RANGAP1: variants seen among roughly 807,000 people sequenced by gnomAD.
The protein encoded by RANGAP1 is Ran GTPase activating protein 1.
A neutral mutation model predicts 63.5 loss-of-function variants in RANGAP1; 38 were observed. That is an observed-to-expected ratio of 0.60 (90% confidence interval 0.46 to 0.78). The LOEUF (loss-of-function observed/expected upper bound fraction) is 0.78, where lower values mean the gene tolerates loss of function less well. Among genes scored for constraint, RANGAP1 ranks in the 30% least tolerant of loss-of-function variants. The probability of loss-of-function intolerance (pLI) is 0.00; values close to 1 mark genes in which losing one functional copy is unlikely to be tolerated. For synonymous variants in RANGAP1, 329 were observed against 310.5 expected (o/e 1.06, Z -0.63); for missense variants, 630 against 740.3 (o/e 0.85, Z 1.73).
intron 3 of RANGAP1, among the ~76,000 whole-genome samples, chr22:41,273,919 CA>C (rs932713554): frequency 2.7e-5 from 4 of 150,190 alleles, no homozygotes; most frequent in African/African-American, 4.9e-5. Context: ...ACTAAAAATA[CA>C]AAAAAAAATT....
chr22:41,292,894 A>G, the RANGAP1 span, among the ~76,000 whole-genome samples: 1 of 151,810 alleles, frequency 6.6e-6, no homozygotes, highest in Non-Finnish European at 1.5e-5. Context: ...GCTTGAGCCC[A>G]GGAGTTCCAG....
At chr22:41,267,596 G>A (rs2034556763) in intron 4 of RANGAP1, among the ~76,000 whole-genome samples, 1 of 152,156 alleles carries the variant, frequency 6.6e-6, no homozygotes, top group African/African-American at 2.4e-5. Flanking sequence ...CTCGACCCAA[G>A]CCAGTCTGAG....
At chr22:41,290,157 AAAG>A (rs1181523266), upstream of RANGAP1, among the ~76,000 whole-genome samples, 1 of 147,004 alleles carries the variant, frequency 6.8e-6, no homozygotes, top group Non-Finnish European at 1.5e-5. Flanking sequence ...GAAAAAAAAA[AAAG>A]AGAGAGAGAG....
upstream of RANGAP1, among the ~76,000 whole-genome samples, chr22:41,289,970 ACT>A (rs1363874119): frequency 6.6e-6 from 1 of 151,746 alleles, no homozygotes; most frequent in East Asian, 2.0e-4. Flanking sequence ...ATATAGTGAG[ACT>A]CTGTCTCTAC....
chr22:41,249,131 G>A (rs2033254945), intron 15 of RANGAP1, among the ~76,000 whole-genome samples, 199 bp downstream of exon 15: 1 of 152,248 alleles, frequency 6.6e-6, no homozygotes, highest in Admixed American at 6.5e-5. Flanking sequence ...GCTGGGCAGA[G>A]GGGAGTGGGC....
chr22:41,270,266 G>A (rs2034723993), intron 3 of RANGAP1, among the ~76,000 whole-genome samples: 1 of 151,200 alleles, frequency 6.6e-6, no homozygotes, highest in Non-Finnish European at 1.5e-5. Flanking sequence ...TCAGTCTCCA[G>A]AGTAGATGGG....
intron 2 of RANGAP1, among the ~76,000 whole-genome samples, chr22:41,278,444 A>G (rs142510186): frequency 1.4e-4 from 22 of 152,384 alleles, no homozygotes; most frequent in African/African-American, 5.0e-4. Flanking sequence ...TGGAAATGCA[A>G]TCTATCTCAA....
chr22:41,281,257 G>A (rs2035476719), intron 1 of RANGAP1, 175 bp from the exon 2 acceptor site: 5 of 817,536 alleles, frequency 6.1e-6, no homozygotes, highest in Admixed American at 3.7e-5. Flanking sequence ...AGTTCTAGAA[G>A]GTGCAGGAGG....
intron 13 of RANGAP1, 82 bp from the exon 14 acceptor site, chr22:41,249,899 C>G: frequency 7.9e-7 from 1 of 1,265,222 alleles, no homozygotes; most frequent in East Asian, 2.4e-5. Context: ...CCCAACACCG[C>G]GCAGACACAG....
rs1299857024 is a variant in RANGAP1 at position 41,250,991 on chromosome 22, A to C, written c.1483+16T>G. The C allele has an allele frequency of 3.7e-6, 6 of 1,611,386 alleles. No individual in the cohort carries two copies. The South Asian group carries it at 6.6e-5, about 18-fold the overall frequency. ...AAGGGACAGAGGGCACCCAGGTCTC[A>C]CCCAGCCCACATTACCTACTGCATC... On this transcript the variant is annotated intron_variant, in intron 13 of 15. Transcript: ENST00000356244.
the RANGAP1 span, among the ~76,000 whole-genome samples, chr22:41,292,669 C>A: frequency 6.6e-6 from 1 of 151,998 alleles, no homozygotes; most frequent in Non-Finnish European, 1.5e-5. Flanking sequence ...ATCGCTTGAA[C>A]CCGGGAGGCG....
At chr22:41,247,780 G>A (rs59143574) in intron 15 of RANGAP1, among the ~76,000 whole-genome samples, 6,312 of 152,330 alleles carry the variant, frequency 0.041, 425 homozygotes, top group African/African-American at 0.14. Flanking sequence ...CCTGAAGCCA[G>A]TGAACAGGCC....
upstream of RANGAP1, among the ~76,000 whole-genome samples, chr22:41,290,726 C>T (rs1168059481): frequency 6.6e-6 from 1 of 152,104 alleles, no homozygotes; most frequent in Non-Finnish European, 1.5e-5. Context: ...GTTTTAAATT[C>T]CATTCTGGTG....
At chr22:41,262,527 G>T (rs2034230644) in intron 5 of RANGAP1, among the ~76,000 whole-genome samples, 1 of 152,338 alleles carries the variant, frequency 6.6e-6, no homozygotes, top group East Asian at 1.9e-4. Context: ...AGGTCACCCG[G>T]TAAGTATTTA....
intron 4 of RANGAP1, among the ~76,000 whole-genome samples, chr22:41,266,142 C>T (rs1031012372): frequency 9.3e-5 from 14 of 150,164 alleles, no homozygotes; most frequent in Non-Finnish European, 1.6e-4. Context: ...GCGGAGCTTG[C>T]AGTGAGCCGA....
chr22:41,270,901 A>G (rs898378495), intron 3 of RANGAP1, among the ~76,000 whole-genome samples: 2 of 151,420 alleles, frequency 1.3e-5, no homozygotes, highest in African/African-American at 4.8e-5. Flanking sequence ...CCGGCAGGTC[A>G]TTCGGAACAA....
chr22:41,280,678 C>T, intron 2 of RANGAP1: 1 of 1,425,804 alleles, frequency 7.0e-7, no homozygotes, highest in Non-Finnish European at 9.3e-7. Context: ...CCCTCATTAC[C>T]TATCATCCCC....
At chr22:41,247,572 G>C (rs1285995580) in intron 15 of RANGAP1, among the ~76,000 whole-genome samples, 1 of 152,152 alleles carries the variant, frequency 6.6e-6, no homozygotes, top group Non-Finnish European at 1.5e-5. Flanking sequence ...GGCTGGCCTT[G>C]AACTCCCGGG....
At chr22:41,268,860 G>C (rs886648650) in intron 3 of RANGAP1, among the ~76,000 whole-genome samples, 5 of 152,104 alleles carry the variant, frequency 3.3e-5, no homozygotes, top group Non-Finnish European at 7.4e-5. Flanking sequence ...TTCCAGACCA[G>C]TCTGGCCAAC....
Sources: gnomAD v4.1 joint callset for allele counts (sites outside exome capture counted in the v4.1 genomes callset) on GRCh38, gnomAD v4.1.1 for gene constraint, MANE v1.5 for transcripts, NCBI Gene and HGNC (gene_info 2026-07-23, HGNC 2026-07-21) for gene names.